Variants in GRM8 observed in about 807,000 individuals in gnomAD.
GRM8 encodes the protein glutamate metabotropic receptor 8, also known as metabotropic glutamate receptor 8.
A neutral mutation model predicts 87.2 loss-of-function variants in GRM8; 47 were observed. The ratio of observed to expected loss-of-function variants is 0.54; its 90% CI spans 0.43 to 0.69. The LOEUF is 0.69. GRM8 is among the 30% of genes least tolerant of loss of function. The pLI is 0.00. For synonymous variants in GRM8, 396 were observed against 404.5 expected, an observed-to-expected ratio of 0.98 and a Z score of 0.25; for missense variants, 1,019 against 1,139.2, an observed-to-expected ratio of 0.89 and a Z score of 1.52.
At chr7:126,442,228 GACC>G (rs1341505781) in intron 10 of GRM8, among the ~76,000 whole-genome samples, 1 of 151,894 alleles carries the variant, frequency 6.6e-6, no homozygotes, top group Non-Finnish European at 1.5e-5. Flanking sequence ...CCATACATGA[GACC>G]TAATGGAGTC....
intron 3 of GRM8, among the ~76,000 whole-genome samples, chr7:126,954,451 G>T (rs1808475252): frequency 6.6e-6 from 1 of 152,116 alleles, no homozygotes; most frequent in Admixed American, 6.5e-5. Flanking sequence ...GCAATATAGG[G>T]TGTCCATGTC....
chr7:126,790,932 G>C (rs1585947358), intron 6 of GRM8, among the ~76,000 whole-genome samples: 2 of 152,280 alleles, frequency 1.3e-5, no homozygotes. Flanking sequence ...ATGGGAGTCA[G>C]ATGTCTTTCC....
Position 127,107,090 on chromosome 7 carries a change from G to A in GRM8, c.511-378C>T, listed in dbSNP as rs1036341980. The stretch of plus-strand genomic sequence containing the variant: ...AATGAAGGCATATACATCAGAAAAG[G>A]TCACCTCTGAAACTGGCTTTGGCTT... On this transcript the variant is annotated intron_variant, in intron 2 of 10. Coordinates refer to ENST00000339582, the MANE Select transcript of GRM8 (RefSeq NM_000845.3). Among the ~76,000 whole-genome samples, 3 of 152,276 alleles carry A rather than the reference G, an allele frequency of 2.0e-5. No homozygotes were observed. In the East Asian group the frequency reaches 5.8e-4, roughly 29 times the overall value.
At chr7:127,011,795 T>C (rs939257567) in intron 3 of GRM8, among the ~76,000 whole-genome samples, 1 of 152,160 alleles carries the variant, frequency 6.6e-6, no homozygotes, top group Non-Finnish European at 1.5e-5. Context: ...GATAGTACTT[T>C]CTTACCTTCT....
At chr7:126,649,066 T>G (rs1803493858) in intron 7 of GRM8, among the ~76,000 whole-genome samples, 1 of 152,218 alleles carries the variant, frequency 6.6e-6, no homozygotes, top group African/African-American at 2.4e-5. Flanking sequence ...AATCTATGTC[T>G]AAAAAATGTG....
intron 6 of GRM8, among the ~76,000 whole-genome samples, chr7:126,883,733 A>G (rs1800228891): frequency 6.6e-6 from 1 of 152,180 alleles, no homozygotes; most frequent in Non-Finnish European, 1.5e-5. Context: ...AGAAGAATCA[A>G]ATTCACAGAG....
intron 6 of GRM8, among the ~76,000 whole-genome samples, chr7:126,886,247 G>A (rs1222317977): frequency 6.6e-6 from 1 of 152,054 alleles, no homozygotes; most frequent in East Asian, 1.9e-4. Flanking sequence ...AATCCATTAA[G>A]TACACAACTG....
At chr7:127,117,250 T>C (rs532419142) in intron 2 of GRM8, among the ~76,000 whole-genome samples, 1 of 143,270 alleles carries the variant, frequency 7.0e-6, no homozygotes, top group Admixed American at 6.9e-5. Flanking sequence ...TTAGAACTAA[T>C]TCTAAAAGAA....
chr7:126,859,152 T>C (rs1797941426), intron 6 of GRM8, among the ~76,000 whole-genome samples: 1 of 145,372 alleles, frequency 6.9e-6, no homozygotes, highest in South Asian at 2.2e-4. Flanking sequence ...TAATTTAAAA[T>C]CTCCTTGCTG....
intron 7 of GRM8, among the ~76,000 whole-genome samples, chr7:126,765,800 G>T (rs1818135993): frequency 6.6e-6 from 1 of 152,092 alleles, no homozygotes; most frequent in Admixed American, 6.6e-5. Flanking sequence ...GTAGACAGAA[G>T]ATGTTAAGAA....
At chr7:127,079,422 G>A (rs7781765) in intron 3 of GRM8, among the ~76,000 whole-genome samples, 66 of 152,236 alleles carry the variant, frequency 4.3e-4, no homozygotes, top group African/African-American at 1.5e-3. Flanking sequence ...ACGCCCAGCC[G>A]TGTATTTTTT....
rs112133130 is a variant in GRM8 at position 127,189,783 on chromosome 7, C to T, written c.510+52912G>A. Among the ~76,000 whole-genome samples, 12 of 152,194 alleles carry T rather than the reference C, an allele frequency of 7.9e-5. 1 individual carries two copies. The highest frequency in any genetic ancestry group is 2.6e-4 in the African/African-American group (11 of 41,532). ...TGTGACCCCCAGGAGCCAATCAGTCCCCTCAAATTTATACTGTTAGGAGAA... is the reference window on the plus strand; with the variant it reads ...TGTGACCCCCAGGAGCCAATCAGTCTCCTCAAATTTATACTGTTAGGAGAA... On this transcript the variant is annotated intron_variant, in intron 2 of 10. Transcript: ENST00000339582.
intron 3 of GRM8, among the ~76,000 whole-genome samples, chr7:126,999,239 T>A (rs889041624): frequency 5.3e-5 from 8 of 151,732 alleles, no homozygotes; most frequent in African/African-American, 1.9e-4. Context: ...AAAAATCAAA[T>A]CAAAAGGGAT....
intron 6 of GRM8, chr7:126,869,081 A>G (rs1798858577): frequency 6.6e-6 from 1 of 152,230 alleles, no homozygotes; most frequent in Non-Finnish European, 1.5e-5. Flanking sequence ...ACATCTCAAC[A>G]ATGTTCATAG....
chr7:126,970,231 A>G lies in GRM8; in HGVS notation c.728-65548T>C, dbSNP rs17869764. On this transcript the variant is annotated intron_variant, in intron 3 of 10. Transcript: ENST00000339582. ...AACAGGAGGGTCAGCCTGTCCTGTG[A>G]AGCCAGCATTGACTTCTCCTCCCTA... Among the ~76,000 whole-genome samples the G allele has an allele frequency of 9.6e-3, 1,456 of 152,290 alleles. 23 individuals are homozygous for G. The highest frequency in any genetic ancestry group is 0.033 in the African/African-American group (1,374 of 41,554).
intron 2 of GRM8, among the ~76,000 whole-genome samples, chr7:127,162,057 T>A (rs935373708): frequency 6.6e-6 from 1 of 152,196 alleles, no homozygotes; most frequent in Non-Finnish European, 1.5e-5. Context: ...AGATGTGTGA[T>A]CCTTGATGGG....
In GRM8 at chr7:127,033,219, G is replaced by T. The variant is rs1817549168; in HGVS notation, c.727+73277C>A. On this transcript the variant is annotated intron_variant, in intron 3 of 10. Coordinates refer to ENST00000339582, the MANE Select transcript of GRM8 (RefSeq NM_000845.3). ...TGATCTATAGACCTACGTAACATATGCTTTAATCAGATTGAATAGCAATAT... is the reference window on the plus strand; with the variant it reads ...TGATCTATAGACCTACGTAACATATTCTTTAATCAGATTGAATAGCAATAT... Among the ~76,000 whole-genome samples the T allele has an allele frequency of 2.6e-5, 4 of 151,776 alleles. No individual in the cohort carries two copies. In the South Asian group the frequency reaches 8.3e-4, roughly 31 times the overall value.
chr7:126,769,103 A>G (rs757158483), intron 7 of GRM8, among the ~76,000 whole-genome samples: 1 of 152,070 alleles, frequency 6.6e-6, no homozygotes, highest in Non-Finnish European at 1.5e-5. Flanking sequence ...AACCAAAAGT[A>G]TTAGACAGCT....
intron 2 of GRM8, among the ~76,000 whole-genome samples, chr7:127,146,269 C>A (rs992640377): frequency 6.6e-5 from 10 of 152,026 alleles, no homozygotes; most frequent in Non-Finnish European, 1.3e-4. Context: ...AAAAGGCATG[C>A]AGACCCTAAG....
Sources: allele counts gnomAD v4.1 joint callset (sites outside exome capture counted in the v4.1 genomes callset), GRCh38; gene constraint gnomAD v4.1.1; transcripts MANE v1.5; gene names NCBI Gene and HGNC (gene_info 2026-07-23, HGNC 2026-07-21).